The following NPAS3 variants were observed in gnomAD, a reference collection of about 807,000 sequenced individuals.
NPAS3 encodes the protein neuronal PAS domain protein 3, also known as neuronal PAS domain-containing protein 3.
NPAS3 carries 14 observed loss-of-function variants against 73.1 expected under a neutral mutation model. The ratio of observed to expected loss-of-function variants is 0.19; its 90% CI spans 0.13 to 0.30. NPAS3 has a LOEUF of 0.30. Among genes scored for constraint, NPAS3 ranks in the 10% least tolerant of loss-of-function variants. NPAS3 has a pLI of 1.00. For synonymous variants in NPAS3, 620 were observed against 541.5 expected, an observed-to-expected ratio of 1.14 and a Z score of -2.01; for missense variants, 1,096 against 1,250.0, an observed-to-expected ratio of 0.88 and a Z score of 1.86.
chr14:33,474,784 G>T (rs1031810824), intron 4 of NPAS3, among the ~76,000 whole-genome samples: 11 of 151,920 alleles, frequency 7.2e-5, no homozygotes, highest in African/African-American at 2.4e-4. Flanking sequence ...TTTTGGTTTG[G>T]GTAACTGTGA....
At chr14:33,224,309 GA>G (rs1490000131) in intron 3 of NPAS3, among the ~76,000 whole-genome samples, 1 of 152,152 alleles carries the variant, frequency 6.6e-6, no homozygotes, top group Non-Finnish European at 1.5e-5. Context: ...ACTCACCTCT[GA>G]CTGCTTTATA....
At chr14:33,164,114 C>T (rs1375463652) in intron 2 of NPAS3, among the ~76,000 whole-genome samples, 6 of 152,150 alleles carry the variant, frequency 3.9e-5, no homozygotes, top group Non-Finnish European at 7.4e-5. Flanking sequence ...GATTTTAATT[C>T]AGTACTTGTG....
chr14:33,118,832 A>G (rs1198792275), intron 2 of NPAS3, among the ~76,000 whole-genome samples: 1 of 151,810 alleles, frequency 6.6e-6, no homozygotes, highest in Non-Finnish European at 1.5e-5. Flanking sequence ...GTTTGCCTGG[A>G]GAATTCCTTT....
chr14:33,563,092 T>A (rs1305005378), intron 5 of NPAS3, among the ~76,000 whole-genome samples: 2 of 152,196 alleles, frequency 1.3e-5, no homozygotes, highest in Non-Finnish European at 2.9e-5. Flanking sequence ...CAAAGACTTG[T>A]CCAGTGAAAT....
At chr14:33,542,731 G>A (rs35502260) in intron 4 of NPAS3, among the ~76,000 whole-genome samples, 84,115 of 152,124 alleles carry the variant, frequency 0.55, 24,222 homozygotes, top group South Asian at 0.66. Flanking sequence ...CACTTGCCCC[G>A]TGTAAACAAA....
chr14:33,459,851 AT>A (rs1434876715), intron 4 of NPAS3, among the ~76,000 whole-genome samples: 1 of 150,952 alleles, frequency 6.6e-6, no homozygotes, highest in Non-Finnish European at 1.5e-5. Flanking sequence ...ACATATAATT[AT>A]CTGTTATAAT....
intron 4 of NPAS3, among the ~76,000 whole-genome samples, chr14:33,490,478 CT>C (rs2051838532): frequency 1.3e-5 from 2 of 152,134 alleles, no homozygotes; most frequent in Non-Finnish European, 2.9e-5. Flanking sequence ...ACCTCAGTGC[CT>C]TGTTAATGCC....
intron 2 of NPAS3, among the ~76,000 whole-genome samples, chr14:33,115,693 A>G (rs766247816): frequency 1.4e-4 from 22 of 152,182 alleles, no homozygotes; most frequent in African/African-American, 1.9e-4. Flanking sequence ...TTGTTTTTCT[A>G]TAAGATGGTC....
chr14:33,074,746 C>T (rs1054433405), intron 2 of NPAS3, among the ~76,000 whole-genome samples: 1 of 152,122 alleles, frequency 6.6e-6, no homozygotes, highest in Non-Finnish European at 1.5e-5. Context: ...CAGATCCCAT[C>T]GCTACATGGG....
intron 4 of NPAS3, among the ~76,000 whole-genome samples, chr14:33,502,687 C>T (rs1332523291): frequency 6.6e-6 from 1 of 151,882 alleles, no homozygotes; most frequent in South Asian, 2.1e-4. Flanking sequence ...TTTACTGCTG[C>T]TGCGCCATCT....
intron 4 of NPAS3, among the ~76,000 whole-genome samples, chr14:33,438,503 A>T (rs1293884885): frequency 6.6e-6 from 1 of 152,246 alleles, no homozygotes; most frequent in African/African-American, 2.4e-5. Context: ...TGCAAGGCTG[A>T]ATCAGAGACA....
chr14:33,494,222 G>A (rs1189440354), intron 4 of NPAS3, among the ~76,000 whole-genome samples: 2 of 152,056 alleles, frequency 1.3e-5, no homozygotes, highest in Non-Finnish European at 1.5e-5. Flanking sequence ...TCAAGCACTA[G>A]GAGAACAAAC....
intron 2 of NPAS3, among the ~76,000 whole-genome samples, chr14:33,145,632 T>C (rs1245059295): frequency 6.6e-6 from 1 of 152,184 alleles, no homozygotes; most frequent in Admixed American, 6.5e-5. Context: ...AACAGCACAG[T>C]GTTGTTCCCC....
rs78985408 is a variant in NPAS3 at position 33,273,798 on chromosome 14, C to T, written c.385+58372C>T. Among the ~76,000 whole-genome samples the T allele has an allele frequency of 2.1e-3, 321 of 152,166 alleles. 1 individual carries two copies. The highest frequency in any genetic ancestry group is 7.3e-3 in the African/African-American group (302 of 41,518). Reference sequence around the variant, plus strand: ...ACTTGTTTTGTTGTATCTCCAGGACCGGAATAAGTGCATGGCATGTGGTAA... The same window carrying T: ...ACTTGTTTTGTTGTATCTCCAGGACTGGAATAAGTGCATGGCATGTGGTAA... On this transcript the variant is annotated intron_variant, in intron 3 of 11. Transcript: ENST00000356141.
intron 2 of NPAS3, among the ~76,000 whole-genome samples, chr14:33,068,128 G>T (rs1192819329): frequency 6.6e-6 from 1 of 152,040 alleles, no homozygotes; most frequent in Non-Finnish European, 1.5e-5. Flanking sequence ...TTCCTTTCTG[G>T]GCTGCTTCAT....
intron 3 of NPAS3, among the ~76,000 whole-genome samples, chr14:33,222,434 T>C (rs1456438653): frequency 6.6e-6 from 1 of 152,204 alleles, no homozygotes; most frequent in African/African-American, 2.4e-5. Context: ...CAACACCTTC[T>C]ATTGGGTTTG....
At chr14:33,750,170 GA>G in intron 7 of NPAS3, among the ~76,000 whole-genome samples, 1 of 151,548 alleles carries the variant, frequency 6.6e-6, no homozygotes, top group African/African-American at 2.4e-5. Flanking sequence ...GCGTTGTCAA[GA>G]AGGGATATGT....
At chr14:33,499,388 TAGAA>T (rs975591659) in intron 4 of NPAS3, among the ~76,000 whole-genome samples, 21 of 151,918 alleles carry the variant, frequency 1.4e-4, no homozygotes, top group Admixed American at 6.6e-4. Flanking sequence ...TTAAAACAAA[TAGAA>T]AGAACGTAAA....
At chr14:33,263,034 A>G (rs1186161336) in intron 3 of NPAS3, among the ~76,000 whole-genome samples, 1 of 152,022 alleles carries the variant, frequency 6.6e-6, no homozygotes, top group Admixed American at 6.6e-5. Context: ...TTGTCAGATG[A>G]GTAGATTTCA....
Sources: allele counts gnomAD v4.1 joint callset (sites outside exome capture counted in the v4.1 genomes callset), GRCh38; gene constraint gnomAD v4.1.1; transcripts MANE v1.5; gene names NCBI Gene and HGNC (gene_info 2026-07-23, HGNC 2026-07-21).